Variants in TMEM39B observed in about 807,000 individuals in gnomAD.
The protein encoded by TMEM39B is transmembrane protein 39B.
Under a neutral mutation model 52.2 loss-of-function variants are expected in TMEM39B, and 23 were observed. The ratio of observed to expected loss-of-function variants is 0.44; its 90% CI spans 0.32 to 0.62. The LOEUF (loss-of-function observed/expected upper bound fraction) is 0.62, where lower values mean the gene tolerates loss of function less well. Ranked by LOEUF, TMEM39B falls within the 20% of genes least tolerant of loss-of-function variation. The probability of loss-of-function intolerance (pLI) is 0.06; values close to 1 mark genes in which losing one functional copy is unlikely to be tolerated. For missense variants in TMEM39B, 547 were observed against 642.0 expected (o/e 0.85, Z 1.60); for synonymous variants, 285 against 264.0 (o/e 1.08, Z -0.77).
intron 5 of TMEM39B, among the ~76,000 whole-genome samples, chr1:32,088,375 C>T (rs764023844): frequency 6.6e-6 from 1 of 151,884 alleles, no homozygotes; most frequent in African/African-American, 2.4e-5. Context: ...CAAGGTCTCG[C>T]CACTGCCCTC....
At chr1:32,078,099 G>A (rs146974599) in intron 5 of TMEM39B, among the ~76,000 whole-genome samples, 1 of 152,070 alleles carries the variant, frequency 6.6e-6, no homozygotes, top group East Asian at 1.9e-4. Context: ...TTCAGAGCTG[G>A]CACCTCCCCC....
intron 5 of TMEM39B, among the ~76,000 whole-genome samples, chr1:32,084,716 C>A (rs548435069): frequency 1.3e-5 from 2 of 151,990 alleles, no homozygotes; most frequent in South Asian, 2.1e-4. Context: ...ATTACAGGCA[C>A]GCCACCATGC....
Position 32,102,535 on chromosome 1 carries a change from C to T in TMEM39B, c.1341C>T (p.His447=), listed in dbSNP as rs952649402. The T allele has an allele frequency of 1.2e-6, 2 of 1,614,154 alleles. No homozygotes were observed. The highest frequency in any genetic ancestry group is 2.7e-5 in the African/African-American group (2 of 75,020). The change falls in exon 9 of 9, where the codon CAC becomes CAT. Residue 447 remains histidine (H), a synonymous_variant. Coordinates refer to ENST00000336294, the MANE Select transcript of TMEM39B (RefSeq NM_018056.4). ...LYSLMSSEKW[H]QTISLALILF... Reference sequence around the variant, plus strand: ...CCCTAATGTCCTCTGAAAAGTGGCACCAGACCATCTCGCTGGCCCTCATCC... The same window carrying T: ...CCCTAATGTCCTCTGAAAAGTGGCATCAGACCATCTCGCTGGCCCTCATCC...
rs1553227336 is a variant in TMEM39B at position 32,075,861 on chromosome 1, T to TGC, written c.351+40_351+41insCG. The stretch of plus-strand genomic sequence containing the variant: ...AAGGGTGTGTGTGTGTGTGTGTGTG[T>TGC]GTGCGTGTGTGTGTATGTGTGTGTG... On this transcript the variant is annotated intron_variant, in intron 3 of 8. Coordinates refer to ENST00000336294, the MANE Select transcript of TMEM39B (RefSeq NM_018056.4). 5.6e-6 allele frequency: 7 copies of TGC among 1,247,362 alleles called. No individual in the cohort carries two copies. The African/African-American group carries it at 6.2e-5, about 11-fold the overall frequency. 77.3% of individuals were successfully genotyped at this position (1,247,362 alleles called of 1,614,324 possible).
chr1:32,075,435 A>T (rs1569853906), intron 2 of TMEM39B, among the ~76,000 whole-genome samples, 168 bp from the exon 3 acceptor site: 1 of 152,266 alleles, frequency 6.6e-6, no homozygotes, highest in South Asian at 2.1e-4. Context: ...AAGATTAGGG[A>T]TAGGAAAAGG....
intron 5 of TMEM39B, among the ~76,000 whole-genome samples, chr1:32,091,019 C>A (rs1416650065): frequency 3.9e-5 from 6 of 152,074 alleles, no homozygotes; most frequent in African/African-American, 1.4e-4. Flanking sequence ...AACTCCTGGG[C>A]TCACGTGATC....
chr1:32,096,268 C>T (rs1244683993), intron 7 of TMEM39B, among the ~76,000 whole-genome samples: 1 of 152,054 alleles, frequency 6.6e-6, no homozygotes, highest in Non-Finnish European at 1.5e-5. Context: ...TCCTGACCAT[C>T]CAGAATGGGT....
intron 5 of TMEM39B, among the ~76,000 whole-genome samples, chr1:32,084,633 G>C (rs892067244): frequency 6.6e-6 from 1 of 151,758 alleles, no homozygotes; most frequent in East Asian, 1.9e-4. Context: ...GCAATGACAC[G>C]ATCTCAGCTC....
intron 7 of TMEM39B, 32 bp downstream of exon 7, chr1:32,095,003 C>T (rs1452904388): frequency 3.7e-6 from 6 of 1,605,476 alleles, no homozygotes; most frequent in African/African-American, 1.3e-5. Flanking sequence ...AACCCAATCC[C>T]AGCCCTTCTG....
chr1:32,075,965 T>C (rs1639841102), intron 3 of TMEM39B, 143 bp downstream of exon 3: 4 of 593,120 alleles, frequency 6.7e-6, no homozygotes, highest in Non-Finnish European at 8.8e-6. Context: ...TGGAAGGTGC[T>C]GAAGGAACAG....
chr1:32,073,071 C>T lies in TMEM39B; in HGVS notation c.4+20C>T. On this transcript the variant is annotated intron_variant, in intron 1 of 8. Transcript: ENST00000336294. ...AGATGGGTGAGCAGAGCGGCTCAGG[C>T]TCGGCCTGGCAACGAGCGGGCGCAC... 4 of 1,471,640 alleles carry T rather than the reference C, an allele frequency of 2.7e-6. No homozygotes were observed. Among genetic ancestry groups the T allele is most frequent in the African/African-American group, 1.5e-5 (1 of 68,390 alleles). 91.2% of individuals were successfully genotyped at this position (1,471,640 alleles called of 1,614,324 possible).
In TMEM39B at chr1:32,077,292, C is replaced by G; in HGVS notation, c.564C>G (p.Phe188Leu). The stretch of plus-strand genomic sequence containing the variant: ...TCCACCTCTTCAGGACCTACTCCTT[C>G]CTGAACCTCCTGTTCCTCTGCTATC... ...SLIHLFRTYSFLNLLFLCYPF... is the reference protein window; with the variant it reads ...SLIHLFRTYSLLNLLFLCYPF... Residue 188 changes from phenylalanine (F) to leucine (L), a missense_variant, in exon 5 of 9, where the codon TTC becomes TTG. Transcript: ENST00000336294. The G allele has an allele frequency of 1.9e-6, 3 of 1,614,190 alleles. No homozygotes were observed. Among genetic ancestry groups the G allele is most frequent in the Non-Finnish European group, 2.5e-6 (3 of 1,180,050 alleles).
intron 5 of TMEM39B, among the ~76,000 whole-genome samples, chr1:32,089,231 T>C (rs1640504683): frequency 6.7e-6 from 1 of 149,112 alleles, no homozygotes; most frequent in East Asian, 2.0e-4. Flanking sequence ...TGAACCCCGC[T>C]AGGATCAGGT....
intron 1 of TMEM39B, chr1:32,073,314 C>A (rs1430240150): frequency 3.2e-5 from 15 of 466,728 alleles, no homozygotes; most frequent in Non-Finnish European, 4.9e-5. Context: ...CTCGTCGGGG[C>A]TAGAAAGGGG....
chr1:32,079,103 C>T (rs1569867167), intron 5 of TMEM39B, among the ~76,000 whole-genome samples: 1 of 151,786 alleles, frequency 6.6e-6, no homozygotes, highest in Admixed American at 6.6e-5. Flanking sequence ...TGCTGTATTG[C>T]CCAGGCTGGA....
At chr1:32,085,595 A>G (rs1294096947) in intron 5 of TMEM39B, among the ~76,000 whole-genome samples, 1 of 152,054 alleles carries the variant, frequency 6.6e-6, no homozygotes, top group Non-Finnish European at 1.5e-5. Flanking sequence ...TACTAAAAAT[A>G]CAAAAATTAG....
chr1:32,100,540 A>C lies in TMEM39B; in HGVS notation c.1214A>C (p.Asp405Ala). 2 of 1,614,114 alleles carry C rather than the reference A, an allele frequency of 1.2e-6. No individual in the cohort carries two copies. Among genetic ancestry groups the C allele is most frequent in the Non-Finnish European group, 8.5e-7 (1 of 1,179,990 alleles). ...VGHYNVAIPS[D>A]VSHFRFHFFF... ...CACTACAACGTGGCTATCCCCTCTGACGTCTCCCACTTCCGCTTCCATGTG... is the reference window on the plus strand; with the variant it reads ...CACTACAACGTGGCTATCCCCTCTGCCGTCTCCCACTTCCGCTTCCATGTG... Residue 405 changes from aspartate to alanine, a missense_variant, in exon 8 of 9, where the codon GAC (aspartate) becomes GCC (alanine). Asp to Ala is a moderately radical substitution (Grantham distance 126). Transcript: ENST00000336294.
chr1:32,094,858 C>CA lies in TMEM39B; in HGVS notation c.1003dup (p.Met335AsnfsTer11). ...TGTCCATCAGCACCTCCGTGATCCT[C>CA]ATGCAGCACCTGCTGCCTGCCAGCT... is the stretch of plus-strand genomic sequence containing the variant. On this transcript the variant is annotated frameshift_variant, in exon 7 of 9. Coordinates refer to ENST00000336294, the MANE Select transcript of TMEM39B (RefSeq NM_018056.4). LOFTEE classifies it high-confidence loss of function. 1 of 1,614,234 alleles carries CA rather than the reference C, an allele frequency of 6.2e-7. No homozygotes were observed. The highest frequency in any genetic ancestry group is 8.5e-7 in the Non-Finnish European group (1 of 1,180,050).
intron 5 of TMEM39B, among the ~76,000 whole-genome samples, chr1:32,079,533 T>C (rs1306473717): frequency 6.6e-6 from 1 of 151,870 alleles, no homozygotes; most frequent in African/African-American, 2.4e-5. Context: ...CTTAGGCAAT[T>C]ATGTGGTCCC....
Sources: gnomAD v4.1 joint callset for allele counts (sites outside exome capture counted in the v4.1 genomes callset) on GRCh38, gnomAD v4.1.1 for gene constraint, MANE v1.5 for transcripts, NCBI Gene and HGNC (gene_info 2026-07-23, HGNC 2026-07-21) for gene names.